Variants in CCDC3 observed in about 807,000 individuals in gnomAD.
The protein encoded by CCDC3 is coiled-coil domain-containing protein 3.
CCDC3 carries 24 observed loss-of-function variants against 21.4 expected under a neutral mutation model. The observed-to-expected ratio is 1.12, with a 90% CI of 0.81 to 1.58. The LOEUF (loss-of-function observed/expected upper bound fraction) is 1.58, where lower values mean the gene tolerates loss of function less well. Ranked by LOEUF, CCDC3 falls within the 40% of genes most tolerant of loss-of-function variation. The probability of loss-of-function intolerance (pLI) is 0.00; values close to 1 mark genes in which losing one functional copy is unlikely to be tolerated. For missense variants in CCDC3, 425 were observed against 360.9 expected (o/e 1.18, Z -1.44); for synonymous variants, 186 against 166.0 (o/e 1.12, Z -0.93).
chr10:13,002,472 C>T (rs1344380970), upstream of CCDC3, among the ~76,000 whole-genome samples: 1 of 152,168 alleles, frequency 6.6e-6, no homozygotes, highest in Non-Finnish European at 1.5e-5. Flanking sequence ...ACTGCAGCCT[C>T]GACCTCCCCT....
intron 2 of CCDC3, among the ~76,000 whole-genome samples, chr10:12,952,412 T>C (rs964876472): frequency 6.6e-6 from 1 of 152,190 alleles, no homozygotes; most frequent in Non-Finnish European, 1.5e-5. Context: ...CATGTTTCAT[T>C]GAGGTGCAAA....
At chr10:12,960,256 T>C (rs1316296163) in intron 2 of CCDC3, among the ~76,000 whole-genome samples, 2 of 152,068 alleles carry the variant, frequency 1.3e-5, no homozygotes, top group Non-Finnish European at 2.9e-5. Context: ...TAGACAGACT[T>C]TTGAGTATCT....
upstream of CCDC3, chr10:13,099,965 A>T (rs928038948): frequency 7.1e-6 from 1 of 141,556 alleles, no homozygotes; most frequent in Non-Finnish European, 1.5e-5. Context: ...GAGGGTGGGT[A>T]GCTGGGGGCG....
chr10:12,923,352 C>A (rs549510819), intron 2 of CCDC3, among the ~76,000 whole-genome samples: 3 of 152,202 alleles, frequency 2.0e-5, no homozygotes, highest in Non-Finnish European at 4.4e-5. Context: ...ATTACAGCCA[C>A]TCTGAAATAC....
intron 2 of CCDC3, among the ~76,000 whole-genome samples, chr10:12,899,568 C>A (rs1834062142): frequency 6.6e-6 from 1 of 151,772 alleles, no homozygotes; most frequent in Non-Finnish European, 1.5e-5. Flanking sequence ...AGGTCTGGTT[C>A]CATAAATTAT....
At chr10:12,995,071 G>C (rs1835740396) in intron 2 of CCDC3, among the ~76,000 whole-genome samples, 1 of 123,040 alleles carries the variant, frequency 8.1e-6, no homozygotes, top group Non-Finnish European at 1.7e-5. Context: ...TACAGAGTGA[G>C]ACTCCATCTC....
chr10:12,929,605 C>T (rs7087170), intron 2 of CCDC3, among the ~76,000 whole-genome samples: 14,483 of 152,190 alleles, frequency 0.095, 739 homozygotes, highest in African/African-American at 0.13. Flanking sequence ...TTATCTTTCT[C>T]ACTCTCTACC....
chr10:13,021,680 A>G (rs1443009307), intron 5 of CCDC3, among the ~76,000 whole-genome samples: 2 of 152,184 alleles, frequency 1.3e-5, no homozygotes, highest in Admixed American at 6.5e-5. Flanking sequence ...TGGATAGTTT[A>G]TCTCCAATAA....
intron 5 of CCDC3, among the ~76,000 whole-genome samples, chr10:13,015,425 T>C (rs1050748858): frequency 6.6e-6 from 1 of 152,038 alleles, no homozygotes; most frequent in South Asian, 2.1e-4. Context: ...AGCACTACCC[T>C]GGGTCTTCTG....
intron 5 of CCDC3, chr10:13,049,620 T>A (rs1432964893): frequency 1.3e-5 from 2 of 152,222 alleles, no homozygotes; most frequent in Non-Finnish European, 2.9e-5. Flanking sequence ...TATATTTTTT[T>A]AAACGCCCTT....
chr10:12,996,584 C>T (rs1396620798), intron 2 of CCDC3, among the ~76,000 whole-genome samples: 1 of 152,204 alleles, frequency 6.6e-6, no homozygotes, highest in Non-Finnish European at 1.5e-5. Context: ...GATCCCCCCA[C>T]CTCGGCCTCC....
At chr10:13,074,574 C>G (rs1836937138) in intron 3 of CCDC3, among the ~76,000 whole-genome samples, 1 of 151,696 alleles carries the variant, frequency 6.6e-6, no homozygotes, top group African/African-American at 2.4e-5. Context: ...CTCCCTCCCC[C>G]TCCCCCTCTC....
intron 2 of CCDC3, among the ~76,000 whole-genome samples, chr10:12,989,316 C>G (rs1055642460): frequency 7.2e-5 from 11 of 152,254 alleles, no homozygotes; most frequent in Non-Finnish European, 1.6e-4. Context: ...TACCTCCCTT[C>G]TACCATGGTC....
intron 3 of CCDC3, among the ~76,000 whole-genome samples, chr10:13,091,017 G>A (rs748524429): frequency 7.2e-5 from 11 of 152,190 alleles, no homozygotes; most frequent in Admixed American, 1.3e-4. Flanking sequence ...CGAAGAACTT[G>A]GAGTCTGATG....
chr10:13,005,436 C>T (rs186742781), upstream of CCDC3, among the ~76,000 whole-genome samples: 53 of 152,310 alleles, frequency 3.5e-4, no homozygotes, highest in African/African-American at 2.6e-4. Context: ...ATTGCTGCTG[C>T]GCACACATGG....
chr10:13,035,453 T>G (rs1048821188), intron 5 of CCDC3, among the ~76,000 whole-genome samples: 4 of 152,206 alleles, frequency 2.6e-5, no homozygotes, highest in African/African-American at 7.2e-5. Context: ...AACGGCAACA[T>G]TTTTCAAAAA....
intron 2 of CCDC3, among the ~76,000 whole-genome samples, chr10:12,982,449 T>C (rs116334643): frequency 0.033 from 5,010 of 151,976 alleles, 293 homozygotes; most frequent in African/African-American, 0.12. Context: ...TTAACAATAC[T>C]GTAGATTTTG....
rs554645227 is a variant in CCDC3 at position 13,088,622 on chromosome 10, G to A, written c.-503+9903C>T. On this transcript the variant is annotated intron_variant, in intron 3 of 6. Transcript: ENST00000378839. ...AGGGAATGGAATGAGACAGGCTGCC[G>A]CTCACCTGCCTGCCCTGTCTCCAAA... 2.0e-5 allele frequency among the ~76,000 whole-genome samples: 3 copies of A among 152,292 alleles called. No homozygotes were observed. In the South Asian group the frequency reaches 6.2e-4, roughly 32 times the overall value.
At chr10:13,048,938 C>T (rs1327047812) in intron 5 of CCDC3, among the ~76,000 whole-genome samples, 2 of 151,956 alleles carry the variant, frequency 1.3e-5, no homozygotes, top group Non-Finnish European at 2.9e-5. Flanking sequence ...TTTTTCATTG[C>T]ACAACACCAA....
Sources: gnomAD v4.1 joint callset for allele counts (sites outside exome capture counted in the v4.1 genomes callset) on GRCh38, gnomAD v4.1.1 for gene constraint, MANE v1.5 for transcripts, NCBI Gene and HGNC (gene_info 2026-07-23, HGNC 2026-07-21) for gene names.